Variants in ARHGAP15 observed in about 807,000 individuals in gnomAD.
ARHGAP15 encodes Rho GTPase activating protein 15.
ARHGAP15 carries 51 observed loss-of-function variants against 63.7 expected under a neutral mutation model. The observed-to-expected ratio is 0.80, with a 90% confidence interval of 0.64 to 1.01. ARHGAP15 has a LOEUF of 1.01. Ranked by LOEUF, ARHGAP15 falls within the 50% of genes least tolerant of loss-of-function variation. The pLI, the probability that ARHGAP15 is intolerant of heterozygous loss-of-function variation, is 0.00. For synonymous variants in ARHGAP15, 191 were observed against 193.8 expected (o/e 0.99, Z 0.12); for missense variants, 560 against 564.6 (o/e 0.99, Z 0.08).
intron 11 of ARHGAP15, among the ~76,000 whole-genome samples, chr2:143,597,095 C>T (rs757323746): frequency 6.6e-6 from 1 of 151,872 alleles, no homozygotes; most frequent in Non-Finnish European, 1.5e-5. Context: ...TCTTCCTACC[C>T]CTCCCTCAAG....
At chr2:143,426,509 G>A (rs1332960043) in intron 6 of ARHGAP15, among the ~76,000 whole-genome samples, 2 of 152,092 alleles carry the variant, frequency 1.3e-5, no homozygotes, top group African/African-American at 2.4e-5. Context: ...GCTGCGAACC[G>A]TAGCCCAGAA....
chr2:143,387,921 A>ACT (rs973267537), intron 6 of ARHGAP15, among the ~76,000 whole-genome samples: 1 of 151,656 alleles, frequency 6.6e-6, no homozygotes, highest in African/African-American at 2.4e-5. Context: ...ACACACACAC[A>ACT]CACACACGCA....
At chr2:143,290,361 T>C (rs1040407089) in intron 6 of ARHGAP15, among the ~76,000 whole-genome samples, 3 of 151,832 alleles carry the variant, frequency 2.0e-5, no homozygotes, top group Non-Finnish European at 2.9e-5. Context: ...GTGGTGGTGT[T>C]TAAGGGTTAA....
chr2:143,742,462 C>T (rs150649327), intron 13 of ARHGAP15, among the ~76,000 whole-genome samples: 17 of 152,110 alleles, frequency 1.1e-4, no homozygotes, highest in Non-Finnish European at 1.8e-4. Context: ...CATTCTGGTA[C>T]GTACCCAAAA....
intron 6 of ARHGAP15, among the ~76,000 whole-genome samples, chr2:143,340,289 C>A (rs867711271): frequency 2.6e-4 from 40 of 151,914 alleles, no homozygotes; most frequent in Middle Eastern, 3.4e-3. Flanking sequence ...ATAAACCAGG[C>A]AAAGCAAGAG....
chr2:143,621,486 T>A (rs1378616460), intron 11 of ARHGAP15, among the ~76,000 whole-genome samples: 2 of 152,182 alleles, frequency 1.3e-5, no homozygotes, highest in East Asian at 3.8e-4. Flanking sequence ...TGCCTTAACA[T>A]CACCTGGTTT....
chr2:143,754,131 T>C (rs1686485155), intron 13 of ARHGAP15, among the ~76,000 whole-genome samples: 2 of 152,010 alleles, frequency 1.3e-5, no homozygotes, highest in Admixed American at 6.6e-5. Flanking sequence ...TTTTTTCTGG[T>C]GATGTTGTTA....
chr2:143,735,675 T>A (rs1385031544), intron 13 of ARHGAP15, among the ~76,000 whole-genome samples: 1 of 152,040 alleles, frequency 6.6e-6, no homozygotes, highest in Non-Finnish European at 1.5e-5. Flanking sequence ...ACAGGCCCAC[T>A]CAACCACACA....
At chr2:143,349,203 A>G (rs536529464) in intron 6 of ARHGAP15, among the ~76,000 whole-genome samples, 4 of 152,312 alleles carry the variant, frequency 2.6e-5, no homozygotes, top group African/African-American at 9.6e-5. Context: ...GCTAGCCAAT[A>G]AAAATGTTCA....
At chr2:143,202,268 A>C in intron 3 of ARHGAP15, 66 bp downstream of exon 3, 1 of 1,284,578 alleles carries the variant, frequency 7.8e-7, no homozygotes, top group Non-Finnish European at 1.1e-6. Context: ...AAACTCAGCA[A>C]CTTAGAACAG....
At chr2:143,518,405 A>G (rs35959720) in intron 9 of ARHGAP15, among the ~76,000 whole-genome samples, 5 of 152,240 alleles carry the variant, frequency 3.3e-5, no homozygotes, top group African/African-American at 1.2e-4. Flanking sequence ...TATTCTCGGA[A>G]ACATTAGTCT....
At chr2:143,394,903 C>T (rs1687692892) in intron 6 of ARHGAP15, among the ~76,000 whole-genome samples, 1 of 151,998 alleles carries the variant, frequency 6.6e-6, no homozygotes, top group African/African-American at 2.4e-5. Context: ...TCCAAGACTC[C>T]AGCCTGTATC....
At chr2:143,735,671 C>T (rs1384027676) in intron 13 of ARHGAP15, among the ~76,000 whole-genome samples, 1 of 152,046 alleles carries the variant, frequency 6.6e-6, no homozygotes, top group African/African-American at 2.4e-5. Context: ...AGACACAGGC[C>T]CACTCAACCA....
intron 10 of ARHGAP15, among the ~76,000 whole-genome samples, chr2:143,538,849 G>A (rs564077601): frequency 6.6e-6 from 1 of 152,104 alleles, no homozygotes; most frequent in South Asian, 2.1e-4. Flanking sequence ...CTCTTTTTTT[G>A]TTGTGTCTCT....
At chr2:143,383,252 CAAAT>C (rs374813247) in intron 6 of ARHGAP15, among the ~76,000 whole-genome samples, 8 of 152,108 alleles carry the variant, frequency 5.3e-5, no homozygotes, top group African/African-American at 1.7e-4. Flanking sequence ...CTTCTAATAA[CAAAT>C]AATGTATAAT....
At chr2:143,418,973 G>A (rs1216420823) in intron 6 of ARHGAP15, among the ~76,000 whole-genome samples, 4 of 152,158 alleles carry the variant, frequency 2.6e-5, no homozygotes, top group Non-Finnish European at 5.9e-5. Context: ...CTGGAATCAA[G>A]CTCCTTTGAA....
chr2:143,608,654 CTT>C (rs1377762612), intron 11 of ARHGAP15: 1 of 152,116 alleles, frequency 6.6e-6, no homozygotes, highest in Non-Finnish European at 1.5e-5. Context: ...CACAGATCCT[CTT>C]GTTTCTAAGA....
chr2:143,372,388 A>G (rs1337208836), intron 6 of ARHGAP15, among the ~76,000 whole-genome samples: 1 of 151,252 alleles, frequency 6.6e-6, no homozygotes, highest in African/African-American at 2.4e-5. Context: ...AGAGACTCCA[A>G]GAGTTCTATT....
At chr2:143,435,101 T>C (rs1689551336) in intron 6 of ARHGAP15, among the ~76,000 whole-genome samples, 1 of 152,174 alleles carries the variant, frequency 6.6e-6, no homozygotes, top group Non-Finnish European at 1.5e-5. Flanking sequence ...TCAAATGTTA[T>C]TCATTTCAAT....
Sources: gnomAD v4.1 joint callset for allele counts (sites outside exome capture counted in the v4.1 genomes callset) on GRCh38, gnomAD v4.1.1 for gene constraint, MANE v1.5 for transcripts, NCBI Gene and HGNC (gene_info 2026-07-23, HGNC 2026-07-21) for gene names.